PEPD: variants seen among roughly 807,000 people sequenced by gnomAD.
PEPD encodes the protein xaa-Pro dipeptidase.
A neutral mutation model predicts 60.7 loss-of-function variants in PEPD; 53 were observed. The observed-to-expected ratio is 0.87, with a 90% CI of 0.70 to 1.10. The LOEUF (loss-of-function observed/expected upper bound fraction) is 1.10, where lower values mean the gene tolerates loss of function less well. PEPD is among the 50% of genes least tolerant of loss of function. PEPD has a pLI of 0.00. For synonymous variants in PEPD, 267 were observed against 284.1 expected, an observed-to-expected ratio of 0.94 and a Z score of 0.60; for missense variants, 711 against 711.9, an observed-to-expected ratio of 1.00 and a Z score of 0.01.
intron 11 of PEPD, among the ~76,000 whole-genome samples, chr19:33,408,222 CT>C (rs1172898366): frequency 6.6e-6 from 1 of 152,244 alleles, no homozygotes; most frequent in Non-Finnish European, 1.5e-5. Flanking sequence ...CGGGAGCTGT[CT>C]GAGAATAAAC....
At chr19:33,444,631 C>T (rs1227954902) in intron 9 of PEPD, among the ~76,000 whole-genome samples, 2 of 150,496 alleles carry the variant, frequency 1.3e-5, no homozygotes, top group African/African-American at 2.4e-5. Flanking sequence ...GCCAAGCCTA[C>T]CAGTCTGCCC....
chr19:33,387,206 T>G lies in PEPD; in HGVS notation c.*138A>C. On this transcript the variant is annotated 3_prime_UTR_variant, in exon 15 of 15. Transcript: ENST00000244137. ...TTCCTCCCCGGGAAACAGCACTGTT[T>G]GGTCTGATCAAATGCCGAAGCTGGG... is the stretch of plus-strand genomic sequence containing the variant. 1.0e-6 allele frequency: 1 copy of G among 993,734 alleles called. No individual in the cohort carries two copies. The highest frequency in any genetic ancestry group is 1.5e-6 in the Non-Finnish European group (1 of 646,376). The allele number at this position is 993,734 out of a possible 1,614,324, so 61.6% of individuals were successfully genotyped here.
chr19:33,458,480 G>A (rs547290450), intron 9 of PEPD, among the ~76,000 whole-genome samples: 5 of 150,398 alleles, frequency 3.3e-5, no homozygotes, highest in Non-Finnish European at 5.9e-5. Context: ...GTATGTGGGG[G>A]TTGTGTGTGG....
In PEPD at chr19:33,490,052, G is replaced by A. The variant is rs375023206; in HGVS notation, c.447C>T (p.Gly149=). ...QKPSVLLTLR[G]VNTDSGSVCR... Reference sequence around the variant, plus strand: ...AGACACTGCCGCTGTCCGTGTTGACGCCACGCTGGGGAGAGAGAACACAGA... The same window carrying A: ...AGACACTGCCGCTGTCCGTGTTGACACCACGCTGGGGAGAGAGAACACAGA... The change falls in exon 6 of 15, where the codon GGC becomes GGT. Residue 149 remains glycine (G), a synonymous_variant. Transcript: ENST00000244137. 544 of 1,610,994 alleles carry A rather than the reference G, an allele frequency of 3.4e-4. No individual in the cohort carries two copies. Among genetic ancestry groups the A allele is most frequent in the Non-Finnish European group, 3.5e-4 (411 of 1,177,694 alleles).
chr19:33,413,569 G>A lies in PEPD; in HGVS notation c.740+6C>T, dbSNP rs375936079. On this transcript the variant is annotated splice_donor_region_variant and intron_variant, in intron 10 of 14. Transcript: ENST00000244137. Reference sequence around the variant, plus strand: ...ACCCCCAGGGGAGCCAGGGTGCCCCGCTTACCTGCCGCAGATGCAGGTGTA... The same window carrying A: ...ACCCCCAGGGGAGCCAGGGTGCCCCACTTACCTGCCGCAGATGCAGGTGTA... 75 of 1,547,668 alleles carry A rather than the reference G, an allele frequency of 4.8e-5. No homozygotes were observed. Among genetic ancestry groups the A allele is most frequent in the Non-Finnish European group, 6.2e-5 (71 of 1,138,804 alleles).
intron 1 of PEPD, among the ~76,000 whole-genome samples, chr19:33,515,543 C>G (rs1430881249): frequency 6.6e-6 from 1 of 152,132 alleles, no homozygotes; most frequent in Non-Finnish European, 1.5e-5. Flanking sequence ...GCACCTTGTG[C>G]TCGGATATCC....
rs577422016 is a variant in PEPD, at chr19:33,447,467, C to T, written c.671+15528G>A. On this transcript the variant is annotated intron_variant, in intron 9 of 14. Transcript: ENST00000244137. ...CCAAGTTCCTGCAGGTGCAGGAGCCCGGGATGCATGGCAGTGACAATAGCA... is the reference window on the plus strand; with the variant it reads ...CCAAGTTCCTGCAGGTGCAGGAGCCTGGGATGCATGGCAGTGACAATAGCA... 1.1e-4 allele frequency among the ~76,000 whole-genome samples: 17 copies of T among 152,308 alleles called. No individual in the cohort carries two copies. The South Asian group carries it at 2.1e-3, about 19-fold the overall frequency.
chr19:33,437,064 G>A (rs1568470638), intron 9 of PEPD, among the ~76,000 whole-genome samples: 1 of 152,170 alleles, frequency 6.6e-6, no homozygotes, highest in Non-Finnish European at 1.5e-5. Flanking sequence ...AGCAGCCAGT[G>A]CTCCAGGGGC....
At chr19:33,521,606 G>C in intron 1 of PEPD, 138 bp downstream of exon 1, 1 of 944,634 alleles carries the variant, frequency 1.1e-6, no homozygotes, top group South Asian at 1.4e-5. Flanking sequence ...ACCGGCGCTG[G>C]GACTCCGGGC....
intron 9 of PEPD, among the ~76,000 whole-genome samples, chr19:33,422,198 A>G (rs73927875): frequency 0.14 from 21,305 of 151,714 alleles, 2,081 homozygotes; most frequent in African/African-American, 0.28. Context: ...CCACCCCAGA[A>G]AGCCACAGCA....
intron 7 of PEPD, chr19:33,477,083 GC>G (rs1200067189): frequency 3.3e-5 from 5 of 152,456 alleles, no homozygotes; most frequent in Non-Finnish European, 7.3e-5. Context: ...GGCCCACCCA[GC>G]CACTGCCTGT....
chr19:33,405,958 C>T (rs1421049832), intron 11 of PEPD, among the ~76,000 whole-genome samples: 5 of 152,220 alleles, frequency 3.3e-5, no homozygotes, highest in Non-Finnish European at 7.3e-5. Flanking sequence ...TGTGGGCCTC[C>T]TGGGTGTCTG....
intron 4 of PEPD, among the ~76,000 whole-genome samples, chr19:33,497,560 G>A (rs771461797): frequency 5.9e-5 from 9 of 152,240 alleles, no homozygotes; most frequent in Non-Finnish European, 8.8e-5. Context: ...ATGCTATCAC[G>A]TGACCAGCCA....
At chr19:33,388,491 T>C (rs1372268859) in intron 13 of PEPD, 1 of 330,842 alleles carries the variant, frequency 3.0e-6, no homozygotes, top group South Asian at 3.1e-5. Context: ...GTGAAGCCCC[T>C]TGGGGCCACA....
At chr19:33,509,718 T>A (rs1217192669) in intron 3 of PEPD, among the ~76,000 whole-genome samples, 1 of 152,204 alleles carries the variant, frequency 6.6e-6, no homozygotes, top group Non-Finnish European at 1.5e-5. Context: ...ATAATCACTC[T>A]CCAGGCGGAG....
chr19:33,515,588 G>A (rs1462706045), intron 1 of PEPD, among the ~76,000 whole-genome samples: 1 of 151,774 alleles, frequency 6.6e-6, no homozygotes, highest in Non-Finnish European at 1.5e-5. Flanking sequence ...CTTCACTCAG[G>A]AAAGCCCATG....
intron 11 of PEPD, among the ~76,000 whole-genome samples, chr19:33,409,158 A>C (rs1215906663): frequency 6.6e-6 from 1 of 152,182 alleles, no homozygotes; most frequent in Admixed American, 6.5e-5. Flanking sequence ...GCAGATAAAG[A>C]GGGTCATAAA....
At chr19:33,503,788 A>G (rs928032189) in intron 3 of PEPD, among the ~76,000 whole-genome samples, 2 of 152,148 alleles carry the variant, frequency 1.3e-5, no homozygotes, top group African/African-American at 2.4e-5. Context: ...CAGCTGTGAC[A>G]GGAGTGGAAG....
At chr19:33,466,118 T>C (rs117085128) in intron 7 of PEPD, among the ~76,000 whole-genome samples, 6,090 of 152,284 alleles carry the variant, frequency 0.04, 310 homozygotes, top group Admixed American at 0.16. Flanking sequence ...GAGAAAAACA[T>C]CCACAAAAAG....
Sources: allele counts gnomAD v4.1 joint callset (sites outside exome capture counted in the v4.1 genomes callset), GRCh38; gene constraint gnomAD v4.1.1; transcripts MANE v1.5; gene names NCBI Gene and HGNC (gene_info 2026-07-23, HGNC 2026-07-21).